The following B4GALNT3 variants were observed in gnomAD, a reference collection of about 807,000 sequenced individuals.
B4GALNT3 encodes the protein beta-1,4-N-acetylgalactosaminyltransferase 3.
B4GALNT3 carries 86 observed loss-of-function variants against 120.2 expected under a neutral mutation model. The ratio of observed to expected loss-of-function variants is 0.72; its 90% CI spans 0.60 to 0.86. The LOEUF (loss-of-function observed/expected upper bound fraction) is 0.86. Among genes scored for constraint, B4GALNT3 ranks in the 40% least tolerant of loss-of-function variants. B4GALNT3 has a pLI of 0.00. For missense variants in B4GALNT3, 1,167 were observed against 1,298.9 expected, an observed-to-expected ratio of 0.90 and a Z score of 1.56; for synonymous variants, 518 against 510.4, an observed-to-expected ratio of 1.01 and a Z score of -0.20.
intron 1 of B4GALNT3, among the ~76,000 whole-genome samples, chr12:485,983 A>C (rs1235510548): frequency 1.3e-5 from 2 of 152,174 alleles, no homozygotes; most frequent in African/African-American, 4.8e-5. Context: ...TGCAGAAACC[A>C]GTGTCTAGGC....
rs747142418 is a variant in B4GALNT3, at chr12:550,952, A to G, written c.1028A>G (p.His343Arg). ...CTGATCCCCAAGTCGCATCTCCGCC[A>G]CGTCCTGCCTGACTGTCCCTACAAA... ...VPLIPKSHLR[H>R]VLPDCPYKPS... The change falls in exon 11 of 20, where the codon CAC becomes CGC. Residue 343 changes from histidine to arginine, a missense_variant. His to Arg is a conservative substitution (Grantham distance 29). Around this residue, in one of 3 missense-constraint regions of B4GALNT3, gnomAD observed 983 missense variants for 1,102.5 expected, o/e 0.89. Transcript: ENST00000266383. The surrounding 1 kb of genome is among the most constrained non-coding windows in gnomAD (Gnocchi z 4.1). The G allele has an allele frequency of 5.0e-6, 8 of 1,614,036 alleles. No individual in the cohort carries two copies. Among genetic ancestry groups the G allele is most frequent in the Non-Finnish European group, 6.8e-6 (8 of 1,179,916 alleles).
intron 1 of B4GALNT3, among the ~76,000 whole-genome samples, chr12:531,245 G>A (rs752513903): frequency 8.6e-5 from 13 of 151,978 alleles, no homozygotes; most frequent in Non-Finnish European, 1.5e-4. Flanking sequence ...TGGGGGATGC[G>A]GGAGGGTGGG....
At chr12:470,585 G>A (rs11063119) in intron 1 of B4GALNT3, among the ~76,000 whole-genome samples, 12,580 of 152,290 alleles carry the variant, frequency 0.083, 1,034 homozygotes, top group African/African-American at 0.22. Context: ...GAGGGCCTGG[G>A]AAAGGGCAGT....
intron 17 of B4GALNT3, 60 bp from the exon 18 acceptor site, chr12:558,448 G>T: frequency 6.5e-7 from 1 of 1,539,620 alleles, no homozygotes; most frequent in South Asian, 1.1e-5. Flanking sequence ...CCTAGACGGC[G>T]ACCTGACCTC....
chr12:491,452 T>C (rs1375929848), intron 1 of B4GALNT3, among the ~76,000 whole-genome samples: 1 of 151,840 alleles, frequency 6.6e-6, no homozygotes, highest in Non-Finnish European at 1.5e-5. Flanking sequence ...TCTTTAGCCT[T>C]CTGAGTAGCT....
intron 1 of B4GALNT3, among the ~76,000 whole-genome samples, chr12:525,102 A>C (rs1946748680): frequency 6.6e-6 from 1 of 151,544 alleles, no homozygotes; most frequent in South Asian, 2.1e-4. Context: ...TTATTTATTT[A>C]TTTATTTATT....
At chr12:557,894 G>T (rs902871670) in intron 16 of B4GALNT3, 122 bp from the exon 17 acceptor site, 313 of 1,462,004 alleles carry the variant, frequency 2.1e-4, no homozygotes, top group Admixed American at 5.4e-5. Flanking sequence ...TTCCCAGAGG[G>T]CTCACCTGCC....
rs1419610212 is a variant in B4GALNT3 at position 549,972 on chromosome 12, G to T, written c.997+60G>T. The T allele has an allele frequency of 8.0e-5, 122 of 1,526,218 alleles. No homozygotes were observed. In the East Asian group the frequency reaches 3.0e-3, roughly 37 times the overall value. The allele number at this position is 1,526,218 out of a possible 1,614,324, so 94.5% of individuals were successfully genotyped here. Reference sequence around the variant, plus strand: ...GGGACACTGCACTGCCAGGTCCACTGCTGATGGTGGAGAAGGCTTGAGAGA... The same window carrying T: ...GGGACACTGCACTGCCAGGTCCACTTCTGATGGTGGAGAAGGCTTGAGAGA... On this transcript the variant is annotated intron_variant, in intron 10 of 19. Coordinates refer to ENST00000266383, the MANE Select transcript of B4GALNT3 (RefSeq NM_173593.4).
intron 15 of B4GALNT3, 55 bp from the exon 16 acceptor site, chr12:557,553 C>G: frequency 6.4e-7 from 1 of 1,562,342 alleles, no homozygotes; most frequent in Non-Finnish European, 8.7e-7. Context: ...AGGCGCTCAT[C>G]CGCTCATCTT....
At chr12:552,196 C>CT in intron 12 of B4GALNT3, 33 bp downstream of exon 12, 1 of 1,549,628 alleles carries the variant, frequency 6.5e-7, no homozygotes, top group Non-Finnish European at 8.9e-7. Flanking sequence ...GGAAGGTGAC[C>CT]TTGCAGAGGG....
At chr12:555,110 G>A (rs1449864560) in intron 14 of B4GALNT3, among the ~76,000 whole-genome samples, 1 of 151,890 alleles carries the variant, frequency 6.6e-6, no homozygotes, top group Non-Finnish European at 1.5e-5. Flanking sequence ...CCCGGGAGGT[G>A]GAGGTTGTAG....
chr12:491,132 A>G (rs1024727966), intron 1 of B4GALNT3, among the ~76,000 whole-genome samples: 1 of 152,202 alleles, frequency 6.6e-6, no homozygotes, highest in African/African-American at 2.4e-5. Context: ...ATCCTCAACA[A>G]AATATTAGCA....
intron 1 of B4GALNT3, among the ~76,000 whole-genome samples, chr12:514,615 T>C (rs1468050274): frequency 6.6e-6 from 1 of 152,192 alleles, no homozygotes; most frequent in Non-Finnish European, 1.5e-5. Context: ...GGAGAAGAGA[T>C]GCTTTTTTTT....
At chr12:483,233 C>T (rs73590361) in intron 1 of B4GALNT3, among the ~76,000 whole-genome samples, 20,128 of 152,152 alleles carry the variant, frequency 0.13, 1,482 homozygotes, top group Non-Finnish European at 0.15. Flanking sequence ...TTTAAACCAT[C>T]CTATATATTC....
chr12:559,184 A>C (rs2072385), intron 18 of B4GALNT3, 111 bp from the exon 19 acceptor site: 472,137 of 1,439,422 alleles, frequency 0.33, 81,194 homozygotes, highest in African/African-American at 0.55. Context: ...GCCTCCCTCA[A>C]CCCCAGCCTC....
At chr12:483,578 G>C (rs1347792376) in intron 1 of B4GALNT3, among the ~76,000 whole-genome samples, 1 of 152,130 alleles carries the variant, frequency 6.6e-6, no homozygotes, top group Non-Finnish European at 1.5e-5. Flanking sequence ...TGTGCCTGTG[G>C]TCCCAGCTAC....
intron 1 of B4GALNT3, among the ~76,000 whole-genome samples, chr12:477,264 TA>T (rs1213824922): frequency 2.0e-5 from 3 of 152,190 alleles, no homozygotes; most frequent in Admixed American, 6.5e-5. Context: ...CTAACTGCCC[TA>T]ACAATCTGGT....
intron 1 of B4GALNT3, among the ~76,000 whole-genome samples, chr12:501,586 A>G (rs1946445741): frequency 6.6e-6 from 1 of 152,174 alleles, no homozygotes; most frequent in Non-Finnish European, 1.5e-5. Context: ...GTCTCAAAAT[A>G]AGAAAAAGGA....
intron 1 of B4GALNT3, among the ~76,000 whole-genome samples, chr12:480,740 G>A (rs1946234908): frequency 6.6e-6 from 1 of 152,194 alleles, no homozygotes; most frequent in African/African-American, 2.4e-5. Flanking sequence ...GGGCTCCATA[G>A]GCGGGGGCTG....
Sources: gnomAD v4.1 joint callset for allele counts (sites outside exome capture counted in the v4.1 genomes callset) on GRCh38, gnomAD v4.1.1 for gene constraint, gnomAD v4.1.1 regional missense constraint, Gnocchi (gnomAD v3.1) non-coding constraint, MANE v1.5 for transcripts, NCBI Gene and HGNC (gene_info 2026-07-23, HGNC 2026-07-21) for gene names.